YPEL2: variants seen among roughly 807,000 people sequenced by gnomAD.
YPEL2 encodes yippee like 2, also known as protein yippee-like 2.
Under a neutral mutation model 19.1 loss-of-function variants are expected in YPEL2, and 2 were observed. The ratio of observed to expected loss-of-function variants is 0.10; its 90% CI spans 0.04 to 0.33. YPEL2 has a LOEUF of 0.33. Ranked by LOEUF, YPEL2 falls within the 10% of genes least tolerant of loss-of-function variation. YPEL2 has a pLI of 1.00. For missense variants in YPEL2, 66 were observed against 140.7 expected (o/e 0.47, Z 2.68); for synonymous variants, 52 against 50.0 (o/e 1.04, Z -0.17).
chr17:59,364,244 A>G (rs1387160230), intron 2 of YPEL2, among the ~76,000 whole-genome samples: 2 of 152,170 alleles, frequency 1.3e-5, no homozygotes, highest in Non-Finnish European at 2.9e-5. Flanking sequence ...ACCAAGGCCC[A>G]GAGAGAAACT....
intron 2 of YPEL2, among the ~76,000 whole-genome samples, chr17:59,376,936 C>T (rs1357602166): frequency 1.1e-5 from 1 of 91,476 alleles, no homozygotes; most frequent in Non-Finnish European, 1.9e-5. Flanking sequence ...GTGACAAGAG[C>T]AACACACTGT....
chr17:59,360,974 G>A (rs1238233500), intron 2 of YPEL2, among the ~76,000 whole-genome samples: 1 of 152,164 alleles, frequency 6.6e-6, no homozygotes, highest in Non-Finnish European at 1.5e-5. Context: ...TGGGATTACA[G>A]GTGTGCATCA....
chr17:59,356,626 A>G (rs184587190), intron 2 of YPEL2, among the ~76,000 whole-genome samples: 1 of 152,342 alleles, frequency 6.6e-6, no homozygotes, highest in East Asian at 1.9e-4. Context: ...AATGTTTACT[A>G]TGTTTAATGC....
chr17:59,353,694 G>A lies in YPEL2; in HGVS notation c.117+168G>A, dbSNP rs1424389233. The A allele has an allele frequency of 1.5e-6, 1 of 672,634 alleles. No individual in the cohort carries two copies. The highest frequency in any genetic ancestry group is 2.9e-5 in the East Asian group (1 of 34,898). 41.7% of individuals were successfully genotyped at this position (672,634 alleles called of 1,614,324 possible). On this transcript the variant is annotated intron_variant, in intron 2 of 4. Transcript: ENST00000312655. The surrounding 1 kb of genome is among the most constrained non-coding windows in gnomAD (Gnocchi z 4.8). ...AACTGAGAAAAACTCTGAGTTGGAGGGACAGAGTAGTCATTTAATTTGTTA... is the reference window on the plus strand; with the variant it reads ...AACTGAGAAAAACTCTGAGTTGGAGAGACAGAGTAGTCATTTAATTTGTTA...
At chr17:59,340,209 A>C (rs1391275161) in intron 1 of YPEL2, among the ~76,000 whole-genome samples, 1 of 151,540 alleles carries the variant, frequency 6.6e-6, no homozygotes, top group Non-Finnish European at 1.5e-5. Context: ...CCCAGGTTCA[A>C]GCGATCGTCC....
At chr17:59,360,924 C>T (rs546224515) in intron 2 of YPEL2, among the ~76,000 whole-genome samples, 8 of 152,186 alleles carry the variant, frequency 5.3e-5, no homozygotes, top group Non-Finnish European at 1.0e-4. Context: ...CTCTGCCTCC[C>T]GGGTTCAAGC....
chr17:59,345,388 G>A (rs922665717), intron 1 of YPEL2: 3 of 152,192 alleles, frequency 2.0e-5, no homozygotes, highest in African/African-American at 7.2e-5. Flanking sequence ...CCTGGTTCCA[G>A]TGCTGTAAAA....
chr17:59,376,592 A>G (rs1247442325), intron 2 of YPEL2, among the ~76,000 whole-genome samples: 2 of 152,142 alleles, frequency 1.3e-5, no homozygotes, highest in Non-Finnish European at 1.5e-5. Context: ...GGGAAGAATG[A>G]TTATACCCAC....
chr17:59,387,711 C>T (rs897419660), intron 2 of YPEL2, among the ~76,000 whole-genome samples: 25 of 152,304 alleles, frequency 1.6e-4, no homozygotes, highest in Admixed American at 7.8e-4. Context: ...GCTTCATGAG[C>T]ATTTCTGTGA....
At chr17:59,377,702 C>T (rs190449754) in intron 2 of YPEL2, among the ~76,000 whole-genome samples, 8 of 152,338 alleles carry the variant, frequency 5.3e-5, no homozygotes, top group Non-Finnish European at 8.8e-5. Flanking sequence ...GAACAGCACA[C>T]TGCCAAAGCC....
Position 59,394,901 on chromosome 17 carries a change from A to G in YPEL2, c.271-2200A>G, listed in dbSNP as rs1161453735. Among the ~76,000 whole-genome samples, 4 of 152,374 alleles carry G rather than the reference A, an allele frequency of 2.6e-5. No individual in the cohort carries two copies. In the East Asian group the frequency reaches 7.7e-4, roughly 29 times the overall value. Reference sequence around the variant, plus strand: ...TAGGAGCTGGAGACCAGCCCGGCCAACACAGCGAAACCCCGTCTCCACCAA... The same window carrying G: ...TAGGAGCTGGAGACCAGCCCGGCCAGCACAGCGAAACCCCGTCTCCACCAA... On this transcript the variant is annotated intron_variant, in intron 4 of 4. Transcript: ENST00000312655.
intron 1 of YPEL2, among the ~76,000 whole-genome samples, chr17:59,335,493 AC>A (rs143194793): frequency 0.011 from 1,676 of 152,048 alleles, 32 homozygotes; most frequent in African/African-American, 0.038. Context: ...AACATGCCAT[AC>A]TTAGGTTTGT....
At chr17:59,379,171 C>T (rs2047936642) in intron 2 of YPEL2, among the ~76,000 whole-genome samples, 2 of 152,170 alleles carry the variant, frequency 1.3e-5, no homozygotes, top group Admixed American at 6.5e-5. Context: ...AAGTTGCACT[C>T]GGGTTCTAAT....
rs1013757201 is a variant in YPEL2, at chr17:59,384,402, T to C, written c.118-3925T>C. Among the ~76,000 whole-genome samples, 4 of 152,212 alleles carry C rather than the reference T, an allele frequency of 2.6e-5. No individual in the cohort carries two copies. In the East Asian group the frequency reaches 5.8e-4, roughly 22 times the overall value. On this transcript the variant is annotated intron_variant, in intron 2 of 4. Transcript: ENST00000312655. ...AACCCCTTTGTAGTACTTCATCTCATATGCAAAACATTGCAAAGACCCTGC... is the reference window on the plus strand; with the variant it reads ...AACCCCTTTGTAGTACTTCATCTCACATGCAAAACATTGCAAAGACCCTGC...
At chr17:59,390,561 G>A (rs2048002732) in intron 4 of YPEL2, among the ~76,000 whole-genome samples, 4 of 152,220 alleles carry the variant, frequency 2.6e-5, no homozygotes, top group Admixed American at 6.5e-5. Flanking sequence ...AACATCCACT[G>A]TCAGATGTGA....
chr17:59,358,801 G>T (rs1008684570), intron 2 of YPEL2, among the ~76,000 whole-genome samples: 1 of 151,624 alleles, frequency 6.6e-6, no homozygotes, highest in African/African-American at 2.4e-5. Flanking sequence ...TGAAGATGGG[G>T]TTTCTCATTT....
At chr17:59,366,570 G>C (rs2047870475) in intron 2 of YPEL2, among the ~76,000 whole-genome samples, 1 of 152,166 alleles carries the variant, frequency 6.6e-6, no homozygotes, top group South Asian at 2.1e-4. Context: ...CTTGTTCTCT[G>C]ATGCATCTTT....
In YPEL2 at chr17:59,340,681, C is replaced by G. The variant is rs1414110937; in HGVS notation, c.-196+8857C>G. 2.6e-5 allele frequency among the ~76,000 whole-genome samples: 4 copies of G among 151,612 alleles called. No homozygotes were observed. In the East Asian group the frequency reaches 7.9e-4, roughly 30 times the overall value. Reference sequence around the variant, plus strand: ...CCGCCCACCTCGGCCTTTCAAAGTGCTGGGATTACAGGCGTGAGCCACCGC... The same window carrying G: ...CCGCCCACCTCGGCCTTTCAAAGTGGTGGGATTACAGGCGTGAGCCACCGC... On this transcript the variant is annotated intron_variant, in intron 1 of 4. Coordinates refer to ENST00000312655, the MANE Select transcript of YPEL2 (RefSeq NM_001005404.4).
At chr17:59,374,761 A>G (rs1421860370) in intron 2 of YPEL2, among the ~76,000 whole-genome samples, 2 of 152,216 alleles carry the variant, frequency 1.3e-5, no homozygotes, top group Non-Finnish European at 2.9e-5. Context: ...GGATATTGTT[A>G]TCCCATTTCA....
Sources: allele counts gnomAD v4.1 joint callset (sites outside exome capture counted in the v4.1 genomes callset), GRCh38; gene constraint gnomAD v4.1.1; non-coding constraint Gnocchi (gnomAD v3.1); transcripts MANE v1.5; gene names NCBI Gene and HGNC (gene_info 2026-07-23, HGNC 2026-07-21).